Variants in C5AR1 observed in about 807,000 individuals in gnomAD.
The protein encoded by C5AR1 is C5a anaphylatoxin chemotactic receptor 1.
Under a neutral mutation model 2.4 loss-of-function variants are expected in C5AR1, and 4 were observed. The ratio of observed to expected loss-of-function variants is 1.65; its 90% CI spans 0.81 to 3.77. C5AR1 has a LOEUF of 3.77. C5AR1 is among the 30% of genes most tolerant of loss of function. C5AR1 has a pLI of 0.01. For missense variants in C5AR1, 418 were observed against 462.5 expected (o/e 0.90, Z 0.88); for synonymous variants, 209 against 210.4 (o/e 0.99, Z 0.06).
chr19:47,307,937 G>A (rs960992428), upstream of C5AR1, among the ~76,000 whole-genome samples: 5 of 152,002 alleles, frequency 3.3e-5, no homozygotes, highest in Non-Finnish European at 2.9e-5. Context: ...AACCCAGGCC[G>A]GGCGCAGTGG....
chr19:47,319,963 G>A lies in C5AR1; in HGVS notation c.186G>A (p.Thr62=), dbSNP rs200942615. 63 of 1,614,090 alleles carry A rather than the reference G, an allele frequency of 3.9e-5. No homozygotes were observed. The highest frequency in any genetic ancestry group is 1.8e-4 in the Admixed American group (11 of 60,004). The change falls in exon 2 of 2, where the codon ACG becomes ACA. Residue 62 remains threonine, a synonymous_variant. Transcript: ENST00000355085. ...VLGNALVVWV[T]AFEAKRTINA... ...GCAATGCCCTGGTGGTCTGGGTGAC[G>A]GCATTCGAGGCCAAGCGGACCATCA...
rs201803187 is a variant in C5AR1, at chr19:47,320,393, C to G, written c.616C>G (p.Arg206Gly). The G allele has an allele frequency of 6.2e-7, 1 of 1,610,146 alleles. No homozygotes were observed. Among genetic ancestry groups the G allele is most frequent in the African/African-American group, 1.3e-5 (1 of 74,916 alleles). ...GCGGGAGCGAGCCGTGGCCATCGTC[C>G]GGCTGGTCCTGGGCTTCCTGTGGCC... is the stretch of plus-strand genomic sequence containing the variant. ...KRRERAVAIV[R>G]LVLGFLWPLL... The change falls in exon 2 of 2, where the codon CGG becomes GGG. Residue 206 changes from arginine to glycine, a missense_variant. Physicochemically the swap from Arg to Gly is moderately radical, Grantham distance 125. Transcript: ENST00000355085. The surrounding 1 kb of genome is among the most constrained non-coding windows in gnomAD (Gnocchi z 4.9).
intron 1 of C5AR1, among the ~76,000 whole-genome samples, chr19:47,310,275 C>A (rs2059265784): frequency 6.6e-6 from 1 of 152,068 alleles, no homozygotes; most frequent in Non-Finnish European, 1.5e-5. Context: ...GGGGATTGTG[C>A]CAAGGCGGGA....
Position 47,319,822 on chromosome 19 carries a change from T to C in C5AR1, c.45T>C (p.Asp15=). ...CCACCCCTGATTATGGGCACTATGATGACAAGGATACCCTGGACCTCAACA... is the reference window on the plus strand; with the variant it reads ...CCACCCCTGATTATGGGCACTATGACGACAAGGATACCCTGGACCTCAACA... ...NYTTPDYGHY[D]DKDTLDLNTP... The change falls in exon 2 of 2, where the codon GAT becomes GAC. Residue 15 remains aspartate (D), a synonymous_variant. Coordinates refer to ENST00000355085, the MANE Select transcript of C5AR1 (RefSeq NM_001736.4). 6.2e-7 allele frequency: 1 copy of C among 1,613,734 alleles called. No homozygotes were observed. The highest frequency in any genetic ancestry group is 8.5e-7 in the Non-Finnish European group (1 of 1,179,676).
At chr19:47,313,407 GC>G (rs995941396) in intron 1 of C5AR1, among the ~76,000 whole-genome samples, 2 of 151,884 alleles carry the variant, frequency 1.3e-5, no homozygotes, top group Admixed American at 1.3e-4. Context: ...TAGAATGCAT[GC>G]CCCCCCACTC....
chr19:47,309,788 G>A, upstream of C5AR1: 1 of 1,253,890 alleles, frequency 8.0e-7, no homozygotes, highest in Non-Finnish European at 1.1e-6. Context: ...GAGAGCCCCA[G>A]AGAGAAAGAC....
chr19:47,314,122 CTCTCTGCCCCTT>C lies in C5AR1; in HGVS notation c.3+4229_3+4240del, dbSNP rs1373683809. On this transcript the variant is annotated intron_variant, in intron 1 of 1. Transcript: ENST00000355085. ...AATCTCCGTTTCCTCCCAGCTTCTGCTCTCTGCCCCTTTCTCCATGCAACAGACAAGGGTTGT... is the reference window on the plus strand; with the variant it reads ...AATCTCCGTTTCCTCCCAGCTTCTGCTCTCCATGCAACAGACAAGGGTTGT... Among the ~76,000 whole-genome samples the C allele has an allele frequency of 7.2e-5, 11 of 152,330 alleles. No individual in the cohort carries two copies. In the East Asian group the frequency reaches 1.7e-3, roughly 24 times the overall value.
chr19:47,308,011 G>A (rs568351160), upstream of C5AR1, among the ~76,000 whole-genome samples: 10 of 151,382 alleles, frequency 6.6e-5, no homozygotes, highest in South Asian at 1.9e-3. Flanking sequence ...TCAGGAGTTC[G>A]AGATCAGCCT....
intron 1 of C5AR1, among the ~76,000 whole-genome samples, chr19:47,312,014 C>T (rs1163698788): frequency 3.3e-5 from 5 of 152,200 alleles, no homozygotes; most frequent in Non-Finnish European, 7.3e-5. Context: ...CGGGGAACCC[C>T]AAAACCGAGC....
upstream of C5AR1, chr19:47,309,852 G>A: frequency 6.2e-7 from 1 of 1,610,466 alleles, no homozygotes; most frequent in Non-Finnish European, 8.5e-7. Flanking sequence ...CAGCCCTTGG[G>A]CAGGAGGGAC....
At position 47,321,065 on chromosome 19, in the gene C5AR1, C is replaced by G. The variant is rs200603179; in HGVS notation, c.*235C>G. 9 of 242,746 alleles carry G rather than the reference C, an allele frequency of 3.7e-5. No homozygotes were observed. In the East Asian group the frequency reaches 3.8e-4, roughly 10 times the overall value. 15.0% of individuals were successfully genotyped at this position (242,746 alleles called of 1,614,324 possible). A position where few individuals can be genotyped will look rare whatever the true frequency, so the allele number is the denominator to read the frequency against. ...AGCACCCTCCCACCCCCCACCCCCCCCACACACACCATCTTTCCATCCCAG... is the reference window on the plus strand; with the variant it reads ...AGCACCCTCCCACCCCCCACCCCCCGCACACACACCATCTTTCCATCCCAG... On this transcript the variant is annotated 3_prime_UTR_variant, in exon 2 of 2. Coordinates refer to ENST00000355085, the MANE Select transcript of C5AR1 (RefSeq NM_001736.4).
intron 1 of C5AR1, among the ~76,000 whole-genome samples, chr19:47,311,482 C>G (rs1237131385): frequency 6.6e-6 from 1 of 152,000 alleles, no homozygotes; most frequent in African/African-American, 2.4e-5. Context: ...GCACTCCAGC[C>G]TGGCAACAGG....
intron 1 of C5AR1, among the ~76,000 whole-genome samples, chr19:47,314,859 A>G (rs2059281028): frequency 6.6e-6 from 1 of 151,704 alleles, no homozygotes; most frequent in African/African-American, 2.4e-5. Context: ...ACACCCAGCT[A>G]ATTTTTGTAT....
chr19:47,315,234 C>T (rs969054200), intron 1 of C5AR1, among the ~76,000 whole-genome samples: 2 of 152,110 alleles, frequency 1.3e-5, no homozygotes, highest in East Asian at 1.9e-4. Context: ...CCTGGATGTA[C>T]CATCATTAAT....
intron 1 of C5AR1, chr19:47,316,493 T>C (rs555621651): frequency 6.7e-6 from 1 of 149,592 alleles, no homozygotes; most frequent in Non-Finnish European, 1.5e-5. Flanking sequence ...AAGGCTGGAG[T>C]GCATTGGCAT....
chr19:47,314,634 G>A (rs2059280247), intron 1 of C5AR1, among the ~76,000 whole-genome samples: 1 of 152,132 alleles, frequency 6.6e-6, no homozygotes, highest in Admixed American at 6.6e-5. Context: ...CTGACCTCAG[G>A]TGATCCACCC....
At position 47,320,083 on chromosome 19, in the gene C5AR1, G is replaced by A; in HGVS notation, c.306G>A (p.Trp102Ter). 1 of 1,614,148 alleles carries A rather than the reference G, an allele frequency of 6.2e-7. No individual in the cohort carries two copies. The highest frequency in any genetic ancestry group is 8.5e-7 in the Non-Finnish European group (1 of 1,180,044). The change falls in exon 2 of 2, where the codon TGG becomes TGA. Residue 102 changes from tryptophan to a stop codon, truncating the protein, a stop_gained. Transcript: ENST00000355085. LOFTEE classifies it low-confidence loss of function (END_TRUNC). The surrounding 1 kb of genome is among the most constrained non-coding windows in gnomAD (Gnocchi z 4.9). ...LFTSIVQHHH[W>*]PFGGAACSIL... is the part of the protein sequence containing the mutation. ...CGTCCATTGTACAGCATCACCACTG[G>A]CCCTTTGGCGGGGCCGCCTGCAGCA...
At chr19:47,315,033 A>G (rs755197739) in intron 1 of C5AR1, among the ~76,000 whole-genome samples, 4 of 151,772 alleles carry the variant, frequency 2.6e-5, no homozygotes, top group Non-Finnish European at 5.9e-5. Context: ...TCATTATATA[A>G]ACATTCTTTT....
At chr19:47,317,063 C>G (rs1035817295) in intron 1 of C5AR1, among the ~76,000 whole-genome samples, 2 of 149,854 alleles carry the variant, frequency 1.3e-5, no homozygotes, top group Non-Finnish European at 3.0e-5. Context: ...TGTGGTGGTG[C>G]ACAATTGTAG....
Sources: allele counts gnomAD v4.1 joint callset (sites outside exome capture counted in the v4.1 genomes callset), GRCh38; gene constraint gnomAD v4.1.1; non-coding constraint Gnocchi (gnomAD v3.1); transcripts MANE v1.5; gene names NCBI Gene and HGNC (gene_info 2026-07-23, HGNC 2026-07-21).